The following MAN1B1 variants were observed in gnomAD, a reference collection of about 807,000 sequenced individuals.
MAN1B1 encodes the protein mannosidase alpha class 1B member 1.
A neutral mutation model predicts 75.5 loss-of-function variants in MAN1B1; 66 were observed. The observed-to-expected ratio is 0.87, with a 90% CI of 0.72 to 1.07. The LOEUF (loss-of-function observed/expected upper bound fraction) is 1.07, where lower values mean the gene tolerates loss of function less well. Ranked by LOEUF, MAN1B1 falls within the 50% of genes least tolerant of loss-of-function variation. The pLI is 0.00. For synonymous variants in MAN1B1, 453 were observed against 382.8 expected, an observed-to-expected ratio of 1.18 and a Z score of -2.14; for missense variants, 973 against 912.5, an observed-to-expected ratio of 1.07 and a Z score of -0.85.
In MAN1B1 at chr9:137,107,415, C is replaced by T; in HGVS notation, c.1732C>T (p.Pro578Ser). 1.2e-6 allele frequency: 2 copies of T among 1,613,466 alleles called. No homozygotes were observed. Among genetic ancestry groups the T allele is most frequent in the South Asian group, 2.2e-5 (2 of 91,086 alleles). The change falls in exon 11 of 13, where the codon CCC (proline) becomes TCC (serine). Residue 578 changes from proline (P) to serine (S), a missense_variant. Transcript: ENST00000371589. ...SPEIVHFNLY[P>S]QPGRRDVEVK... is the part of the protein sequence containing the mutation. The stretch of plus-strand genomic sequence containing the variant: ...CGAGATCGTGCACTTCAACCTTTAC[C>T]CCCAGCCGGGCCGTCGGGACGTGGA...
intron 8 of MAN1B1, 126 bp downstream of exon 8, chr9:137,101,798 C>T: frequency 8.9e-7 from 1 of 1,126,354 alleles, no homozygotes; most frequent in Non-Finnish European, 1.3e-6. Context: ...TGATAAAACA[C>T]ACAAAACGCA....
chr9:137,101,582 G>A lies in MAN1B1; in HGVS notation c.1164G>A (p.Arg388=). 3 of 1,613,880 alleles carry A rather than the reference G, an allele frequency of 1.9e-6. No individual in the cohort carries two copies. Among genetic ancestry groups the A allele is most frequent in the Middle Eastern group, 1.6e-4 (1 of 6,062 alleles). The change falls in exon 8 of 13, where the codon CGG becomes CGA. Residue 388 remains arginine, a synonymous_variant. Transcript: ENST00000371589. ...GTACTGGAGTTGCCCACCCGCCACG[G>A]TGGACCTCCGACAGCACTGTGGCCG... The part of the protein sequence containing the change: ...NIGTGVAHPP[R]WTSDSTVAEV...
chr9:137,108,820 T>C lies in MAN1B1; in HGVS notation c.*229T>C, dbSNP rs1831213156. On this transcript the variant is annotated 3_prime_UTR_variant, in exon 13 of 13. Coordinates refer to ENST00000371589, the MANE Select transcript of MAN1B1 (RefSeq NM_016219.5). ...CTGGGCCGCTGGAGCCTCCGCCTGC[T>C]TCCTCCAGAAGACACGAATCATGAC... 3.0e-6 allele frequency: 2 copies of C among 677,722 alleles called. No individual in the cohort carries two copies. The highest frequency in any genetic ancestry group is 2.7e-6 in the Non-Finnish European group (1 of 369,222). 42.0% of individuals were successfully genotyped at this position (677,722 alleles called of 1,614,324 possible).
chr9:137,108,845 C>T lies in MAN1B1; in HGVS notation c.*254C>T, dbSNP rs1377163991. 4 of 646,018 alleles carry T rather than the reference C, an allele frequency of 6.2e-6. No homozygotes were observed. In the East Asian group the frequency reaches 1.2e-4, roughly 20 times the overall value. 40.0% of individuals were successfully genotyped at this position (646,018 alleles called of 1,614,324 possible). A position where few individuals can be genotyped will look rare whatever the true frequency, so the allele number is the denominator to read the frequency against. On this transcript the variant is annotated 3_prime_UTR_variant, in exon 13 of 13. Transcript: ENST00000371589. ...TTCCTCCAGAAGACACGAATCATGACTCACGATTGCTGAAGCCTGAGCAGG... is the reference window on the plus strand; with the variant it reads ...TTCCTCCAGAAGACACGAATCATGATTCACGATTGCTGAAGCCTGAGCAGG...
intron 3 of MAN1B1, among the ~76,000 whole-genome samples, chr9:137,092,635 GGTT>G (rs1472907881): frequency 6.6e-6 from 1 of 152,230 alleles, no homozygotes; most frequent in African/African-American, 2.4e-5. Context: ...AAGAGTTAAA[GGTT>G]GTGAAGATTT....
intron 12 of MAN1B1, 31 bp from the exon 13 acceptor site, chr9:137,108,357 G>T: frequency 6.3e-7 from 1 of 1,589,142 alleles, no homozygotes; most frequent in Non-Finnish European, 8.6e-7. Flanking sequence ...GGTGCCCCCC[G>T]TGTGGTGACG....
In MAN1B1 at chr9:137,088,104, G is replaced by C; in HGVS notation, c.249G>C (p.Arg83=). ...GGAAGCAACTGTCGAGATTGCAGCG[G>C]AATATGATTCTCTTCCTCCTTGCCT... ...RKWKQLSRLQ[R]NMILFLLAFL... is the part of the protein sequence containing the mutation. Residue 83 remains arginine (R), a synonymous_variant, in exon 2 of 13, where the codon CGG becomes CGC. Transcript: ENST00000371589. 6.2e-7 allele frequency: 1 copy of C among 1,614,188 alleles called. No homozygotes were observed.
rs746508347 is a variant in MAN1B1 at position 137,108,756 on chromosome 9, A to G, written c.*165A>G. On this transcript the variant is annotated 3_prime_UTR_variant, in exon 13 of 13. Transcript: ENST00000371589. ...CTGCTTTAATCAGGACACCGTGAGG[A>G]CAAGTGAGGCCGTCAGTCTTGGTGT... is the stretch of plus-strand genomic sequence containing the variant. 5 of 732,458 alleles carry G rather than the reference A, an allele frequency of 6.8e-6. No individual in the cohort carries two copies. The highest frequency in any genetic ancestry group is 3.5e-5 in the African/African-American group (2 of 57,756). 45.4% of individuals were successfully genotyped at this position (732,458 alleles called of 1,614,324 possible).
rs567746103 is a variant in MAN1B1, at chr9:137,108,093, C to T, written c.1897-295C>T. On this transcript the variant is annotated intron_variant, in intron 12 of 12. Coordinates refer to ENST00000371589, the MANE Select transcript of MAN1B1 (RefSeq NM_016219.5). Reference sequence around the variant, plus strand: ...CTTGGCCTGAGGCCCCCGCTGCCTCCGCTCCCACCGTCTGCCCTGTGCCCT... The same window carrying T: ...CTTGGCCTGAGGCCCCCGCTGCCTCTGCTCCCACCGTCTGCCCTGTGCCCT... 139 of 605,650 alleles carry T rather than the reference C, an allele frequency of 2.3e-4. 1 individual carries two copies. The highest frequency in any genetic ancestry group is 2.2e-3 in the African/African-American group (117 of 53,900). 37.5% of individuals were successfully genotyped at this position (605,650 alleles called of 1,614,324 possible).
intron 7 of MAN1B1, 115 bp from the exon 8 acceptor site, chr9:137,101,369 T>C (rs1319345814): frequency 5.2e-6 from 6 of 1,163,300 alleles, no homozygotes; most frequent in Non-Finnish European, 7.7e-6. Flanking sequence ...CCCGTTTCCT[T>C]GCTGCTGTGT....
chr9:137,091,643 T>C (rs1170998543), intron 3 of MAN1B1, among the ~76,000 whole-genome samples: 1 of 151,190 alleles, frequency 6.6e-6, no homozygotes, highest in Non-Finnish European at 1.5e-5. Flanking sequence ...TCTCCTGCCT[T>C]GGCCTCCTGA....
chr9:137,087,803 T>A (rs1830413891), intron 1 of MAN1B1, among the ~76,000 whole-genome samples: 1 of 152,244 alleles, frequency 6.6e-6, no homozygotes, highest in Non-Finnish European at 1.5e-5. Context: ...TGTAGTATTG[T>A]CCCAGCAATG....
chr9:137,101,862 G>A (rs2131026315), intron 8 of MAN1B1, 190 bp downstream of exon 8: 2 of 756,962 alleles, frequency 2.6e-6, no homozygotes, highest in East Asian at 5.4e-5. Context: ...CGCTGTTGCA[G>A]GCGTGCAGGT....
chr9:137,098,183 C>T (rs1292060910), intron 5 of MAN1B1, among the ~76,000 whole-genome samples: 1 of 152,234 alleles, frequency 6.6e-6, no homozygotes, highest in East Asian at 1.9e-4. Flanking sequence ...GTGTCTGGGC[C>T]AGGCTGCCCC....
Position 137,101,667 on chromosome 9 carries a change from T to G in MAN1B1, c.1249T>G (p.Phe417Val). The change falls in exon 8 of 13, where the codon TTT (phenylalanine) becomes GTT (valine). Residue 417 changes from phenylalanine (F) to valine (V), a missense_variant. Phe to Val is a conservative substitution (Grantham distance 50, BLOSUM62 -1). Coordinates refer to ENST00000371589, the MANE Select transcript of MAN1B1 (RefSeq NM_016219.5). ...ELSRLTGDKK[F>V]QEAVEKVTQH... Reference sequence around the variant, plus strand: ...CTCCCGTCTCACAGGGGATAAGAAGTTTCAGGTAAGGGGGCAGGCTTTCTG... The same window carrying G: ...CTCCCGTCTCACAGGGGATAAGAAGGTTCAGGTAAGGGGGCAGGCTTTCTG... 2 of 1,612,142 alleles carry G rather than the reference T, an allele frequency of 1.2e-6. No homozygotes were observed. The highest frequency in any genetic ancestry group is 1.7e-6 in the Non-Finnish European group (2 of 1,178,946).
chr9:137,107,098 C>A, intron 10 of MAN1B1, 152 bp from the exon 11 acceptor site: 1 of 854,016 alleles, frequency 1.2e-6, no homozygotes, highest in Non-Finnish European at 1.8e-6. Flanking sequence ...GTCCAGGCAG[C>A]TCCGCTGTTC....
At chr9:137,093,621 G>T (rs1830573913) in intron 3 of MAN1B1, among the ~76,000 whole-genome samples, 1 of 152,042 alleles carries the variant, frequency 6.6e-6, no homozygotes, top group African/African-American at 2.4e-5. Context: ...ACAAGGTCAG[G>T]AGATTGAGAC....
intron 9 of MAN1B1, 169 bp downstream of exon 9, chr9:137,106,484 G>A (rs534007371): frequency 3.8e-5 from 36 of 941,460 alleles, no homozygotes; most frequent in African/African-American, 9.8e-5. Context: ...TGTGGAGGGC[G>A]TATTCATTCA....
chr9:137,107,972 G>A (rs528375415), intron 12 of MAN1B1: 19 of 627,838 alleles, frequency 3.0e-5, no homozygotes, highest in African/African-American at 5.5e-5. Flanking sequence ...GGAGGCACAC[G>A]CACCCATGAC....
Sources: allele counts gnomAD v4.1 joint callset (sites outside exome capture counted in the v4.1 genomes callset), GRCh38; gene constraint gnomAD v4.1.1; transcripts MANE v1.5; gene names NCBI Gene and HGNC (gene_info 2026-07-23, HGNC 2026-07-21).